Variants in DRC7 observed in about 807,000 individuals in gnomAD.
DRC7 encodes the protein coiled-coil domain containing 135.
DRC7 carries 80 observed loss-of-function variants against 104.4 expected under a neutral mutation model. The ratio of observed to expected loss-of-function variants is 0.77; its 90% CI spans 0.64 to 0.92. The LOEUF (loss-of-function observed/expected upper bound fraction) is 0.92. Among genes scored for constraint, DRC7 ranks in the 40% least tolerant of loss-of-function variants. DRC7 has a pLI of 0.00. For synonymous variants in DRC7, 405 were observed against 447.3 expected (o/e 0.91, Z 1.19); for missense variants, 1,034 against 1,141.1 (o/e 0.91, Z 1.35).
intron 6 of DRC7, among the ~76,000 whole-genome samples, chr16:57,702,365 CTCTG>C (rs2048669232): frequency 6.6e-6 from 1 of 152,352 alleles, no homozygotes; most frequent in East Asian, 1.9e-4. Flanking sequence ...GGCTGTTCTT[CTCTG>C]TCTGTTGTAA....
rs1446129836 is a variant in DRC7 at position 57,726,134 on chromosome 16, T to C, written c.1825T>C (p.Phe609Leu). 6.2e-7 allele frequency: 1 copy of C among 1,613,050 alleles called. No individual in the cohort carries two copies. Among genetic ancestry groups the C allele is most frequent in the African/African-American group, 1.3e-5 (1 of 74,938 alleles). Residue 609 changes from phenylalanine to leucine, a missense_variant, in exon 14 of 19, where the codon TTT becomes CTT. Transcript: ENST00000360716. ...GGAGGAGGACGTGGCAGAGCGCGTG[T>C]TTCTGGTCGCGGAGGAGCGCATCCA... ...PAEEDVAERV[F>L]LVAEERIQLR... is the part of the protein sequence containing the mutation.
chr16:57,722,612 G>C (rs2048915222), intron 10 of DRC7, 101 bp from the exon 11 acceptor site: 1 of 1,507,690 alleles, frequency 6.6e-7, no homozygotes, highest in African/African-American at 1.4e-5. Context: ...GAGGAGTTCA[G>C]TACACAGAGA....
intron 8 of DRC7, among the ~76,000 whole-genome samples, chr16:57,717,157 C>CA (rs1225558457): frequency 5.3e-4 from 58 of 110,124 alleles, no homozygotes; most frequent in South Asian, 1.5e-3. Context: ...GACCCTGTCT[C>CA]AAAAAAAAAA....
chr16:57,728,571 C>G lies in DRC7; in HGVS notation c.2378C>G (p.Ala793Gly). The G allele has an allele frequency of 6.3e-7, 1 of 1,598,508 alleles. No individual in the cohort carries two copies. Among genetic ancestry groups the G allele is most frequent in the South Asian group, 1.1e-5 (1 of 89,730 alleles). Residue 793 changes from alanine (A) to glycine (G), a missense_variant, in exon 17 of 19, where the codon GCC (alanine) becomes GGC (glycine). Physicochemically the swap from Ala to Gly is moderately conservative, Grantham distance 60 (BLOSUM62 0). Coordinates refer to ENST00000360716, the MANE Select transcript of DRC7 (RefSeq NM_001289162.2). ...RLINKANLIQ[A>G]RFEKETQELQ... is the part of the protein sequence containing the mutation. ...ATCAACAAGGCCAACCTCATCCAGGCCCGCTTTGAGAAGGTGCCACCAGGG... is the reference window on the plus strand; with the variant it reads ...ATCAACAAGGCCAACCTCATCCAGGGCCGCTTTGAGAAGGTGCCACCAGGG...
intron 1 of DRC7, among the ~76,000 whole-genome samples, chr16:57,695,977 C>T (rs2048588779): frequency 6.6e-6 from 1 of 152,214 alleles, no homozygotes; most frequent in South Asian, 2.1e-4. Flanking sequence ...CCCTCTTGCT[C>T]CTGGCTTCAC....
chr16:57,707,579 T>G lies in DRC7; in HGVS notation c.978T>G (p.His326Gln). The G allele has an allele frequency of 6.2e-7, 1 of 1,613,572 alleles. No individual in the cohort carries two copies. Among genetic ancestry groups the G allele is most frequent in the Non-Finnish European group, 8.5e-7 (1 of 1,180,016 alleles). Residue 326 changes from histidine (H) to glutamine (Q), a missense_variant, in exon 8 of 19, where the codon CAT becomes CAG. Transcript: ENST00000360716. ...ENFFIDPFTG[H>Q]SYSTQDEHFL... is the part of the protein sequence containing the mutation. The stretch of plus-strand genomic sequence containing the variant: ...TCTTCATCGACCCATTCACAGGACA[T>G]AGCTACAGCACCCAGGATGAGCACT...
chr16:57,721,216 G>GATA (rs1380211651), intron 9 of DRC7, among the ~76,000 whole-genome samples: 6 of 151,844 alleles, frequency 4.0e-5, no homozygotes, highest in Non-Finnish European at 7.4e-5. Flanking sequence ...CATCTCAAAT[G>GATA]ATAATAATAA....
chr16:57,721,646 C>T (rs944041661), intron 9 of DRC7, 21 bp from the exon 10 acceptor site: 1 of 1,599,216 alleles, frequency 6.3e-7, no homozygotes. Context: ...CCACCTCCCC[C>T]ACCCCCTTCT....
At position 57,731,427 on chromosome 16, in the gene DRC7, C is replaced by A. The variant is rs549677328; in HGVS notation, c.*169C>A. 2 of 606,070 alleles carry A rather than the reference C, an allele frequency of 3.3e-6. No individual in the cohort carries two copies. The highest frequency in any genetic ancestry group is 5.6e-5 in the East Asian group (2 of 36,026). The allele number at this position is 606,070 out of a possible 1,614,324, so 37.5% of individuals were successfully genotyped here. On this transcript the variant is annotated 3_prime_UTR_variant, in exon 19 of 19. Coordinates refer to ENST00000360716, the MANE Select transcript of DRC7 (RefSeq NM_001289162.2). ...TTTGTTCCTGCTTCTCATGATTTTCCTGTAAATAAACACACTCTTAATTTG... is the reference window on the plus strand; with the variant it reads ...TTTGTTCCTGCTTCTCATGATTTTCATGTAAATAAACACACTCTTAATTTG...
chr16:57,704,828 A>G (rs7194271), intron 6 of DRC7, 48 bp from the exon 7 acceptor site: 271,351 of 1,598,736 alleles, frequency 0.17, 25,314 homozygotes, highest in African/African-American at 0.32. Context: ...TGCACATGTA[A>G]AGGGGGGATG....
chr16:57,702,754 A>T (rs1213982208), intron 6 of DRC7, among the ~76,000 whole-genome samples: 1 of 152,178 alleles, frequency 6.6e-6, no homozygotes, highest in Non-Finnish European at 1.5e-5. Context: ...GTGAACTGAG[A>T]TTGCGCCATT....
rs115608641 is a variant in DRC7 at position 57,718,437 on chromosome 16, G to A, written c.1168G>A (p.Asp390Asn). 3.5e-5 allele frequency: 56 copies of A among 1,614,134 alleles called. No individual in the cohort carries two copies. The East Asian group carries it at 8.0e-4, about 23-fold the overall frequency. ...KSQLSLTEED[D>N]SGINDEDDVE... ...TCAGCTGTCCTTGACTGAAGAAGAC[G>A]ACAGTGGGATAAACGATGAGGATGA... Residue 390 changes from aspartate (D) to asparagine (N), a missense_variant, in exon 9 of 19, where the codon GAC becomes AAC. Asp to Asn is a conservative substitution (Grantham distance 23, BLOSUM62 1). Coordinates refer to ENST00000360716, the MANE Select transcript of DRC7 (RefSeq NM_001289162.2).
At chr16:57,698,359 C>G (rs2048620147) in intron 3 of DRC7, among the ~76,000 whole-genome samples, 1 of 152,164 alleles carries the variant, frequency 6.6e-6, no homozygotes, top group Non-Finnish European at 1.5e-5. Context: ...AGTCACTCAG[C>G]CTCTCGGTGC....
rs2048696826 is a variant in DRC7, at chr16:57,705,001, G to A, written c.825G>A (p.Lys275=). ...KKQQEIRAQE[K]KRLREEEERL... The stretch of plus-strand genomic sequence containing the variant: ...AGCAGGAGATCAGAGCCCAGGAGAA[G>A]AAGCGGCTGAGGGAGGAGGAGGAGC... Residue 275 remains lysine, a synonymous_variant, in exon 7 of 19, where the codon AAG becomes AAA. Transcript: ENST00000360716. 6.2e-7 allele frequency: 1 copy of A among 1,613,114 alleles called. No homozygotes were observed. Among genetic ancestry groups the A allele is most frequent in the Non-Finnish European group, 8.5e-7 (1 of 1,179,890 alleles).
chr16:57,724,919 T>C, intron 13 of DRC7, 84 bp downstream of exon 13: 1 of 1,120,820 alleles, frequency 8.9e-7, no homozygotes. Context: ...GCCCTGGCTC[T>C]GGGGTGGCAT....
At chr16:57,720,119 A>G (rs2048887420) in intron 9 of DRC7, among the ~76,000 whole-genome samples, 1 of 152,092 alleles carries the variant, frequency 6.6e-6, no homozygotes, top group Admixed American at 6.6e-5. Flanking sequence ...CCCCACAGCC[A>G]CCTGGTGAGG....
rs908157840 is a variant in DRC7 at position 57,731,512 on chromosome 16, A to G, written c.*254A>G. On this transcript the variant is annotated 3_prime_UTR_variant, in exon 19 of 19. Coordinates refer to ENST00000360716, the MANE Select transcript of DRC7 (RefSeq NM_001289162.2). ...CAGCCTTTCTCTTCTTCTGTTATCT[A>G]TAGCCTGGGACCACCCCCTTCCTCC... is the stretch of plus-strand genomic sequence containing the variant. 1.9e-6 allele frequency: 1 copy of G among 534,464 alleles called. No individual in the cohort carries two copies. The highest frequency in any genetic ancestry group is 3.3e-5 in the East Asian group (1 of 30,710). The allele number at this position is 534,464 out of a possible 1,614,324, so 33.1% of individuals were successfully genotyped here.
chr16:57,730,007 T>C (rs1474484029), intron 17 of DRC7, among the ~76,000 whole-genome samples: 1 of 128,676 alleles, frequency 7.8e-6, no homozygotes, highest in African/African-American at 3.1e-5. Flanking sequence ...GGCGAGTGGA[T>C]AGATGGACAG....
Position 57,701,937 on chromosome 16 carries a change from C to A in DRC7, c.506C>A (p.Pro169His), listed in dbSNP as rs771942185. ...TGCTGACCGTCCCACTGTGACCAGC[C>A]CTCGCACCTGTACTCCTCGACCACT... ...MVPLPDPLKP[P>H]SHLYSSTTVL... The change falls in exon 6 of 19, where the codon CCC becomes CAC. Residue 169 changes from proline (P) to histidine (H), a missense_variant and splice_region_variant. Transcript: ENST00000360716. 4.3e-6 allele frequency: 7 copies of A among 1,613,402 alleles called. No individual in the cohort carries two copies. The highest frequency in any genetic ancestry group is 5.9e-6 in the Non-Finnish European group (7 of 1,179,654).
Sources: allele counts gnomAD v4.1 joint callset (sites outside exome capture counted in the v4.1 genomes callset), GRCh38; gene constraint gnomAD v4.1.1; transcripts MANE v1.5; gene names NCBI Gene and HGNC (gene_info 2026-07-23, HGNC 2026-07-21).